ETV1: variants seen among roughly 807,000 people sequenced by gnomAD.
ETV1 encodes ETS variant transcription factor 1, also known as ETS translocation variant 1.
A neutral mutation model predicts 62.3 loss-of-function variants in ETV1; 27 were observed. That is an observed-to-expected ratio of 0.43 (90% confidence interval 0.32 to 0.60). The LOEUF is 0.60. Among genes scored for constraint, ETV1 ranks in the 20% least tolerant of loss-of-function variants. The pLI, the probability that ETV1 is intolerant of heterozygous loss-of-function variation, is 0.06. For synonymous variants in ETV1, 222 were observed against 199.6 expected, an observed-to-expected ratio of 1.11 and a Z score of -0.94; for missense variants, 605 against 605.8, an observed-to-expected ratio of 1.00 and a Z score of 0.01.
chr7:13,925,212 G>A (rs917789574), intron 9 of ETV1, among the ~76,000 whole-genome samples: 1 of 152,094 alleles, frequency 6.6e-6, no homozygotes, highest in Non-Finnish European at 1.5e-5. Flanking sequence ...CCACATGGCC[G>A]AGAAGCATTG....
At chr7:13,925,983 T>G (rs1785383589) in intron 9 of ETV1, among the ~76,000 whole-genome samples, 1 of 152,162 alleles carries the variant, frequency 6.6e-6, no homozygotes, top group African/African-American at 2.4e-5. Flanking sequence ...CACCTATATA[T>G]AGCCAAGGTA....
chr7:13,895,645 G>C lies in ETV1; in HGVS notation c.*221C>G, dbSNP rs992815302. ...CTGCCCATTCACCCATTAGCTTCCTGTTACACAGAATAAATGTTTAGATTA... is the reference window on the plus strand; with the variant it reads ...CTGCCCATTCACCCATTAGCTTCCTCTTACACAGAATAAATGTTTAGATTA... On this transcript the variant is annotated 3_prime_UTR_variant, in exon 14 of 14. Coordinates refer to ENST00000430479, the MANE Select transcript of ETV1 (RefSeq NM_004956.5). 5.7e-6 allele frequency: 3 copies of C among 525,064 alleles called. No individual in the cohort carries two copies. Among genetic ancestry groups the C allele is most frequent in the African/African-American group, 5.7e-5 (3 of 53,048 alleles). The allele number at this position is 525,064 out of a possible 1,614,324, so 32.5% of individuals were successfully genotyped here.
intron 6 of ETV1, among the ~76,000 whole-genome samples, chr7:13,939,678 A>G (rs1250624581): frequency 2.0e-5 from 3 of 152,240 alleles, no homozygotes; most frequent in Non-Finnish European, 4.4e-5. Context: ...AACTGCATCA[A>G]TAATAATAGT....
chr7:13,964,019 A>G (rs1226564683), intron 6 of ETV1, among the ~76,000 whole-genome samples: 1 of 152,106 alleles, frequency 6.6e-6, no homozygotes, highest in Non-Finnish European at 1.5e-5. Flanking sequence ...GATGGCAAAA[A>G]CATCCAGAGA....
At chr7:13,936,870 G>A (rs901680732) in intron 7 of ETV1, among the ~76,000 whole-genome samples, 3 of 151,834 alleles carry the variant, frequency 2.0e-5, no homozygotes, top group Non-Finnish European at 4.4e-5. Flanking sequence ...GTGAAACCCC[G>A]TCTCTACTAA....
chr7:13,907,688 C>T (rs1486682478), intron 11 of ETV1: 3 of 319,196 alleles, frequency 9.4e-6, no homozygotes, highest in Non-Finnish European at 2.0e-5. Flanking sequence ...ATAAATTGCT[C>T]TTCTCCGCTA....
At position 13,979,968 on chromosome 7, in the gene ETV1, G is replaced by A. The variant is rs539062826; in HGVS notation, c.182-2488C>T. 3.3e-5 allele frequency among the ~76,000 whole-genome samples: 5 copies of A among 152,200 alleles called. No individual in the cohort carries two copies. The South Asian group carries it at 8.3e-4, about 25-fold the overall frequency. ...TGAGGAAAAAAGGGCCAAATTTTAG[G>A]AGTAGAATAATCTAGAAGTTATACC... On this transcript the variant is annotated intron_variant, in intron 5 of 13. Coordinates refer to ENST00000430479, the MANE Select transcript of ETV1 (RefSeq NM_004956.5).
intron 6 of ETV1, among the ~76,000 whole-genome samples, chr7:13,954,610 A>T (rs1789204586): frequency 6.6e-6 from 1 of 152,188 alleles, no homozygotes; most frequent in African/African-American, 2.4e-5. Flanking sequence ...CTCACTTTTG[A>T]TACATCATTT....
intron 3 of ETV1, chr7:13,988,615 A>AAAAG: frequency 7.6e-7 from 1 of 1,320,224 alleles, no homozygotes; most frequent in Non-Finnish European, 9.7e-7. Flanking sequence ...AAAAAGAGAA[A>AAAAG]ATGAGAAAAA....
chr7:13,981,534 T>TACATAC (rs1447504131), intron 5 of ETV1, among the ~76,000 whole-genome samples: 40 of 134,046 alleles, frequency 3.0e-4, no homozygotes, highest in East Asian at 2.5e-3. Context: ...CATACATACA[T>TACATAC]ATATATATAT....
chr7:13,960,605 A>G (rs944788565), intron 6 of ETV1, among the ~76,000 whole-genome samples: 4 of 152,110 alleles, frequency 2.6e-5, no homozygotes, highest in African/African-American at 9.7e-5. Context: ...TTATAAATTT[A>G]TAAAATTTGT....
intron 6 of ETV1, among the ~76,000 whole-genome samples, chr7:13,975,243 G>C (rs1433369550): frequency 6.6e-6 from 1 of 152,152 alleles, no homozygotes; most frequent in South Asian, 2.1e-4. Flanking sequence ...CTATGGGACA[G>C]TGCTGGCATG....
rs556342021 is a variant in ETV1, at chr7:13,931,810, G to T, written c.555-61C>A. 3 of 1,580,828 alleles carry T rather than the reference G, an allele frequency of 1.9e-6. No homozygotes were observed. In the African/African-American group the frequency reaches 4.1e-5, roughly 21 times the overall value. ...TAACATGGAACATTCTTTAAAATAC[G>T]GATACGGTTTTCCATTTCTTAGTGA... On this transcript the variant is annotated intron_variant, in intron 8 of 13. Transcript: ENST00000430479.
rs765499460 is a variant in ETV1 at position 13,895,877 on chromosome 7, A to G, written c.1423T>C (p.Tyr475His). The G allele has an allele frequency of 1.2e-6, 2 of 1,613,200 alleles. No homozygotes were observed. Among genetic ancestry groups the G allele is most frequent in the Non-Finnish European group, 1.7e-6 (2 of 1,179,606 alleles). ...CCNPHPYNEG[Y>H]VY The stretch of plus-strand genomic sequence containing the variant: ...GACTGTCACTTGTGTTAATACACGT[A>G]GCCTTCGTTGTAGGGGTGGGGGTTG... Residue 475 changes from tyrosine to histidine, a missense_variant, in exon 14 of 14, where the codon TAC becomes CAC. Tyr to His is a moderately conservative substitution (Grantham distance 83). Around this residue, in one of 3 missense-constraint regions of ETV1, gnomAD observed 79 missense variants for 71.6 expected, o/e 1.10. Coordinates refer to ENST00000430479, the MANE Select transcript of ETV1 (RefSeq NM_004956.5).
rs545311453 is a variant in ETV1, at chr7:13,968,746, C to T, written c.235+8681G>A. 2.6e-5 allele frequency among the ~76,000 whole-genome samples: 4 copies of T among 152,036 alleles called. No homozygotes were observed. The East Asian group carries it at 5.9e-4, about 22-fold the overall frequency. ...AGTATCCTTTCTCTTTTCCTTCTGGCACAAAATCATAATGTGGCTCTGGGC... is the reference window on the plus strand; with the variant it reads ...AGTATCCTTTCTCTTTTCCTTCTGGTACAAAATCATAATGTGGCTCTGGGC... On this transcript the variant is annotated intron_variant, in intron 6 of 13. Coordinates refer to ENST00000430479, the MANE Select transcript of ETV1 (RefSeq NM_004956.5).
At chr7:13,954,147 T>C (rs919082397) in intron 6 of ETV1, among the ~76,000 whole-genome samples, 3 of 152,204 alleles carry the variant, frequency 2.0e-5, no homozygotes, top group Non-Finnish European at 4.4e-5. Context: ...TATTACTCAC[T>C]AACAACAAGT....
At chr7:13,930,859 G>T (rs1786041778) in intron 9 of ETV1, among the ~76,000 whole-genome samples, 1 of 151,742 alleles carries the variant, frequency 6.6e-6, no homozygotes, top group African/African-American at 2.4e-5. Context: ...GGAGTGCAGT[G>T]GTGCGATCTC....
At chr7:13,945,526 C>A (rs1326343451) in intron 6 of ETV1, among the ~76,000 whole-genome samples, 1 of 151,526 alleles carries the variant, frequency 6.6e-6, no homozygotes, top group African/African-American at 2.4e-5. Flanking sequence ...TGAATTGCTG[C>A]ATGTGAGGAA....
rs1303821947 is a variant in ETV1 at position 13,969,549 on chromosome 7, C to T, written c.235+7878G>A. Among the ~76,000 whole-genome samples, 8 of 152,216 alleles carry T rather than the reference C, an allele frequency of 5.3e-5. No individual in the cohort carries two copies. In the East Asian group the frequency reaches 1.2e-3, roughly 22 times the overall value. On this transcript the variant is annotated intron_variant, in intron 6 of 13. Transcript: ENST00000430479. ...AGAAAATATCTAACCTTGCACTCCA[C>T]GAAAGGCCTGCATCAGAATCACCTA... is the stretch of plus-strand genomic sequence containing the variant.
Sources: gnomAD v4.1 joint callset for allele counts (sites outside exome capture counted in the v4.1 genomes callset) on GRCh38, gnomAD v4.1.1 for gene constraint, gnomAD v4.1.1 regional missense constraint, MANE v1.5 for transcripts, NCBI Gene and HGNC (gene_info 2026-07-23, HGNC 2026-07-21) for gene names.